Variants in DYNC1I2 observed in about 807,000 individuals in gnomAD.
DYNC1I2 encodes cytoplasmic dynein 1 intermediate chain 2.
Under a neutral mutation model 88.6 loss-of-function variants are expected in DYNC1I2, and 53 were observed. That is an observed-to-expected ratio of 0.60 (90% CI 0.48 to 0.75). The LOEUF (loss-of-function observed/expected upper bound fraction) is 0.75. DYNC1I2 is among the 30% of genes least tolerant of loss of function. The pLI, the probability that DYNC1I2 is intolerant of heterozygous loss-of-function variation, is 0.00. For synonymous variants in DYNC1I2, 198 were observed against 254.6 expected, an observed-to-expected ratio of 0.78 and a Z score of 2.12; for missense variants, 458 against 766.6, an observed-to-expected ratio of 0.60 and a Z score of 4.75.
At chr2:171,696,429 G>A (rs1685771496) in intron 3 of DYNC1I2, among the ~76,000 whole-genome samples, 1 of 152,094 alleles carries the variant, frequency 6.6e-6, no homozygotes, top group African/African-American at 2.4e-5. Context: ...TGTCACCTTT[G>A]GTCCCAAACA....
intron 7 of DYNC1I2, among the ~76,000 whole-genome samples, chr2:171,720,016 ACTT>A (rs994880671): frequency 3.4e-5 from 5 of 146,516 alleles, no homozygotes; most frequent in African/African-American, 7.5e-5. Flanking sequence ...TTTCTTATTC[ACTT>A]CTTCTGTATG....
chr2:171,736,836 A>C (rs1343772681), intron 15 of DYNC1I2, among the ~76,000 whole-genome samples: 1 of 152,192 alleles, frequency 6.6e-6, no homozygotes, highest in Non-Finnish European at 1.5e-5. Context: ...AATTGATGAC[A>C]TATTTATTTC....
chr2:171,690,295 C>T, intron 2 of DYNC1I2, 32 bp downstream of exon 2: 1 of 1,430,062 alleles, frequency 7.0e-7, no homozygotes, highest in East Asian at 2.5e-5. Flanking sequence ...AAATAAACAA[C>T]ATAAAGTAAT....
intron 7 of DYNC1I2, among the ~76,000 whole-genome samples, chr2:171,720,447 A>G (rs989751059): frequency 6.6e-6 from 1 of 152,218 alleles, no homozygotes; most frequent in African/African-American, 2.4e-5. Flanking sequence ...TGGTTAATAC[A>G]TCTACCTTAT....
rs1687684188 is a variant in DYNC1I2 at position 171,718,609 on chromosome 2, A to G, written c.511+3166A>G. ...CCACCACGCCCGGCTAATTTTTTGTATTTTTAGTAGAGACGGGATTTCACC... is the reference window on the plus strand; with the variant it reads ...CCACCACGCCCGGCTAATTTTTTGTGTTTTTAGTAGAGACGGGATTTCACC... On this transcript the variant is annotated intron_variant, in intron 7 of 17. Transcript: ENST00000397119. 2.0e-5 allele frequency among the ~76,000 whole-genome samples: 3 copies of G among 151,634 alleles called. No individual in the cohort carries two copies. The South Asian group carries it at 6.2e-4, about 32-fold the overall frequency.
rs1310467496 is a variant in DYNC1I2 at position 171,748,814 on chromosome 2, T to G, written c.*925T>G. Among the ~76,000 whole-genome samples the G allele has an allele frequency of 6.6e-6, 1 of 152,238 alleles. No individual in the cohort carries two copies. Among genetic ancestry groups the G allele is most frequent in the Non-Finnish European group, 1.5e-5 (1 of 68,024 alleles). On this transcript the variant is annotated 3_prime_UTR_variant, in exon 18 of 18. Coordinates refer to ENST00000397119, the MANE Select transcript of DYNC1I2 (RefSeq NM_001378.3). Reference sequence around the variant, plus strand: ...TAGCCATAAAGGCAAAGTGCTCAAATGGACCCATACTTTGGCATTAAAATC... The same window carrying G: ...TAGCCATAAAGGCAAAGTGCTCAAAGGGACCCATACTTTGGCATTAAAATC...
rs746910264 is a variant in DYNC1I2 at position 171,725,598 on chromosome 2, G to GTTTTTTTTT, written c.512-12_512-4dup. Reference sequence around the variant, plus strand: ...ATTCTGTTTTTTTGTTTTTTTGTTTGTTTTTTTTTTTTTTTTCAGATGAAG... The same window carrying GTTTTTTTTT: ...ATTCTGTTTTTTTGTTTTTTTGTTTGTTTTTTTTTTTTTTTTTTTTTTTTTCAGATGAAG... On this transcript the variant is annotated intron_variant, in intron 7 of 17. Transcript: ENST00000397119. The GTTTTTTTTT allele has an allele frequency of 4.5e-6, 4 of 895,202 alleles. No homozygotes were observed. Among genetic ancestry groups the GTTTTTTTTT allele is most frequent in the African/African-American group, 4.6e-5 (2 of 43,354 alleles). 55.5% of individuals were successfully genotyped at this position (895,202 alleles called of 1,614,324 possible).
intron 15 of DYNC1I2, among the ~76,000 whole-genome samples, chr2:171,737,370 C>T (rs757858916): frequency 2.0e-5 from 3 of 152,144 alleles, no homozygotes; most frequent in African/African-American, 7.2e-5. Context: ...CAGGTAGACA[C>T]GAATTTTGGG....
intron 7 of DYNC1I2, among the ~76,000 whole-genome samples, chr2:171,716,672 A>G (rs2105612500): frequency 6.6e-6 from 1 of 152,244 alleles, no homozygotes; most frequent in African/African-American, 2.4e-5. Flanking sequence ...TTGGGAGACC[A>G]AGGCAGGTGG....
chr2:171,696,631 A>C (rs748878065), intron 3 of DYNC1I2, among the ~76,000 whole-genome samples: 23 of 152,144 alleles, frequency 1.5e-4, no homozygotes, highest in Non-Finnish European at 2.2e-4. Flanking sequence ...TAGGGATCCA[A>C]CCTAATTTTT....
At chr2:171,708,333 G>GA (rs145294423) in intron 5 of DYNC1I2, among the ~76,000 whole-genome samples, 3 of 150,266 alleles carry the variant, frequency 2.0e-5, no homozygotes, top group South Asian at 2.1e-4. Flanking sequence ...GACAGGGCAA[G>GA]AAAAAAAAAG....
intron 3 of DYNC1I2, among the ~76,000 whole-genome samples, chr2:171,699,261 C>T (rs1193690406): frequency 1.3e-5 from 2 of 151,554 alleles, no homozygotes; most frequent in Non-Finnish European, 2.9e-5. Flanking sequence ...GAGCCGAGAT[C>T]GCGCCATTGC....
intron 7 of DYNC1I2, among the ~76,000 whole-genome samples, chr2:171,718,814 C>T (rs1321885671): frequency 6.6e-6 from 1 of 152,130 alleles, no homozygotes; most frequent in Non-Finnish European, 1.5e-5. Context: ...TAGTGTGAGA[C>T]ACTTTACATC....
chr2:171,697,976 A>G (rs935423974), intron 3 of DYNC1I2, among the ~76,000 whole-genome samples: 1 of 152,224 alleles, frequency 6.6e-6, no homozygotes, highest in African/African-American at 2.4e-5. Flanking sequence ...TTAGTAGCAC[A>G]TCTCTGGCTA....
intron 3 of DYNC1I2, among the ~76,000 whole-genome samples, chr2:171,704,393 CTG>C (rs1323918584): frequency 7.2e-6 from 1 of 139,038 alleles, no homozygotes; most frequent in Non-Finnish European, 1.5e-5. Flanking sequence ...GAATAGGTAT[CTG>C]TGCTCTAAAC....
chr2:171,734,898 A>G (rs1185473242), intron 15 of DYNC1I2, among the ~76,000 whole-genome samples: 1 of 152,228 alleles, frequency 6.6e-6, no homozygotes, highest in African/African-American at 2.4e-5. Flanking sequence ...GTAAAGAATA[A>G]TAGGCAGTGT....
At chr2:171,688,811 T>C (rs1410630853) in intron 1 of DYNC1I2, among the ~76,000 whole-genome samples, 1 of 152,210 alleles carries the variant, frequency 6.6e-6, no homozygotes, top group Non-Finnish European at 1.5e-5. Context: ...ACAATTGTGC[T>C]TTTTAAGAGA....
chr2:171,698,069 G>A (rs868285090), intron 3 of DYNC1I2, among the ~76,000 whole-genome samples: 1 of 152,124 alleles, frequency 6.6e-6, no homozygotes, highest in Non-Finnish European at 1.5e-5. Context: ...GTGACTAATA[G>A]GTAATATCTG....
chr2:171,723,042 A>G (rs146751470), intron 7 of DYNC1I2, among the ~76,000 whole-genome samples: 2,749 of 152,342 alleles, frequency 0.018, 52 homozygotes, highest in Admixed American at 0.067. Flanking sequence ...ACTGTCTGAC[A>G]TATTTCATCT....
Sources: allele counts gnomAD v4.1 joint callset (sites outside exome capture counted in the v4.1 genomes callset), GRCh38; gene constraint gnomAD v4.1.1; transcripts MANE v1.5; gene names NCBI Gene and HGNC (gene_info 2026-07-23, HGNC 2026-07-21).